The following MLLT3 variants were observed in gnomAD, a reference collection of about 807,000 sequenced individuals.
The protein encoded by MLLT3 is MLLT3 super elongation complex subunit, also known as protein AF-9.
In MLLT3, 4 loss-of-function variants were observed where a neutral mutation model predicts 53.2. The observed-to-expected ratio is 0.08, with a 90% CI of 0.04 to 0.17. The LOEUF (loss-of-function observed/expected upper bound fraction) is 0.17, where lower values mean the gene tolerates loss of function less well. Among genes scored for constraint, MLLT3 ranks in the 10% least tolerant of loss-of-function variants. The pLI, the probability that MLLT3 is intolerant of heterozygous loss-of-function variation, is 1.00. For missense variants in MLLT3, 569 were observed against 684.0 expected, an observed-to-expected ratio of 0.83 and a Z score of 1.87; for synonymous variants, 283 against 230.6, an observed-to-expected ratio of 1.23 and a Z score of -2.06.
chr9:20,395,706 T>C (rs557212201), intron 5 of MLLT3, among the ~76,000 whole-genome samples: 5 of 152,298 alleles, frequency 3.3e-5, no homozygotes, highest in African/African-American at 4.8e-5. Flanking sequence ...TCAGTAATAA[T>C]TAAAAGCTTT....
chr9:20,607,698 T>C (rs956423621), intron 2 of MLLT3, among the ~76,000 whole-genome samples: 18 of 152,204 alleles, frequency 1.2e-4, no homozygotes, highest in African/African-American at 3.8e-4. Context: ...ATTTGACATA[T>C]AGCTTTGCTA....
At chr9:20,506,833 G>A (rs1473288085) in intron 2 of MLLT3, among the ~76,000 whole-genome samples, 1 of 152,160 alleles carries the variant, frequency 6.6e-6, no homozygotes, top group Non-Finnish European at 1.5e-5. Context: ...AAAGAGAAGT[G>A]TATCTGGAAG....
At chr9:20,354,039 C>T (rs1035575888) in intron 9 of MLLT3, among the ~76,000 whole-genome samples, 1 of 151,984 alleles carries the variant, frequency 6.6e-6, no homozygotes, top group Non-Finnish European at 1.5e-5. Context: ...TGTACATTAC[C>T]AATTAAGTCA....
chr9:20,430,860 C>T lies in MLLT3; in HGVS notation c.421-16435G>A, dbSNP rs77929990. On this transcript the variant is annotated intron_variant, in intron 4 of 10. Transcript: ENST00000380338. ...AATAGAAACAACAATGAACTCCTAT[C>T]TCCAGGATATTAAAAGACCTCTAAT... is the stretch of plus-strand genomic sequence containing the variant. Among the ~76,000 whole-genome samples, 901 of 152,100 alleles carry T rather than the reference C, an allele frequency of 5.9e-3. 1 individual carries two copies. Among genetic ancestry groups the T allele is most frequent in the Non-Finnish European group, 0.01 (698 of 67,946 alleles).
chr9:20,525,437 A>G (rs1465835278), intron 2 of MLLT3, among the ~76,000 whole-genome samples: 5 of 152,210 alleles, frequency 3.3e-5, no homozygotes, highest in East Asian at 1.9e-4. Flanking sequence ...CGGAGGTTAC[A>G]GTGTGCTGAG....
intron 4 of MLLT3, among the ~76,000 whole-genome samples, chr9:20,430,332 A>C (rs1823234355): frequency 6.6e-6 from 1 of 152,154 alleles, no homozygotes; most frequent in Admixed American, 6.5e-5. Flanking sequence ...ATGAAGAAAA[A>C]AATGATCTAC....
intron 4 of MLLT3, among the ~76,000 whole-genome samples, chr9:20,429,060 C>T (rs528811519): frequency 1.3e-5 from 2 of 152,246 alleles, no homozygotes; most frequent in African/African-American, 4.8e-5. Flanking sequence ...TAAAGAAACT[C>T]TTCTAAAGAA....
At chr9:20,438,880 TG>T (rs1823473694) in intron 4 of MLLT3, among the ~76,000 whole-genome samples, 1 of 152,164 alleles carries the variant, frequency 6.6e-6, no homozygotes, top group African/African-American at 2.4e-5. Flanking sequence ...TTACTCTAAC[TG>T]TAGTTGATTG....
chr9:20,502,662 G>C (rs879045777), intron 2 of MLLT3, among the ~76,000 whole-genome samples: 1 of 152,174 alleles, frequency 6.6e-6, no homozygotes, highest in Admixed American at 6.5e-5. Context: ...GTATACAGGA[G>C]AATGTGCATA....
rs1454512948 is a variant in MLLT3, at chr9:20,621,597, G to A, written c.12+648C>T. Among the ~76,000 whole-genome samples the A allele has an allele frequency of 1.3e-5, 2 of 151,816 alleles. No homozygotes were observed. On this transcript the variant is annotated intron_variant, in intron 1 of 10. Transcript: ENST00000380338. This position sits in a 1 kb window ranked among gnomAD's most constrained non-coding sequence, Gnocchi z 7.0. ...TTTCAAGAGCCCAAGTGGCTCCAAA[G>A]TATCTCCCACCTCCCCCCAAAAAAT...
rs374955721 is a variant in MLLT3 at position 20,375,660 on chromosome 9, T to C, written c.1126-9916A>G. On this transcript the variant is annotated intron_variant, in intron 5 of 10. Coordinates refer to ENST00000380338, the MANE Select transcript of MLLT3 (RefSeq NM_004529.4). ...TCTTGCTCTGTCACCCAGGCTGGAG[T>C]GCAGTGGCGCGGTTCTCAGCTCACT... Among the ~76,000 whole-genome samples the C allele has an allele frequency of 6.1e-5, 9 of 147,364 alleles. No homozygotes were observed. The East Asian group carries it at 1.4e-3, about 23-fold the overall frequency.
At chr9:20,617,215 G>A (rs890440104) in intron 2 of MLLT3, among the ~76,000 whole-genome samples, 2 of 152,074 alleles carry the variant, frequency 1.3e-5, no homozygotes, top group South Asian at 2.1e-4. Context: ...TGCACACAAC[G>A]TCTTCAGCTA....
At chr9:20,417,663 T>C (rs1178651531) in intron 4 of MLLT3, among the ~76,000 whole-genome samples, 9 of 152,126 alleles carry the variant, frequency 5.9e-5, no homozygotes, top group Non-Finnish European at 2.9e-5. Flanking sequence ...TATACATATA[T>C]TTGCACTAAC....
At chr9:20,596,099 G>C (rs1408433812) in intron 2 of MLLT3, among the ~76,000 whole-genome samples, 1 of 152,202 alleles carries the variant, frequency 6.6e-6, no homozygotes, top group Non-Finnish European at 1.5e-5. Context: ...TTATGGGCAG[G>C]CTTAAGGGAA....
chr9:20,592,495 A>T (rs1025785940), intron 2 of MLLT3, among the ~76,000 whole-genome samples: 1 of 152,114 alleles, frequency 6.6e-6, no homozygotes, highest in Non-Finnish European at 1.5e-5. Flanking sequence ...TTCTCTTCTT[A>T]TAAGGACACA....
chr9:20,494,194 C>G (rs1825020253), intron 2 of MLLT3, among the ~76,000 whole-genome samples: 1 of 152,018 alleles, frequency 6.6e-6, no homozygotes, highest in South Asian at 2.1e-4. Flanking sequence ...TTCCATGATT[C>G]CTAGGAATTC....
chr9:20,411,914 A>G (rs1423358276), intron 5 of MLLT3: 1 of 152,176 alleles, frequency 6.6e-6, no homozygotes, highest in African/African-American at 2.4e-5. Context: ...ACATTCTAAA[A>G]AGGTGCCTTT....
At chr9:20,543,383 C>T (rs1199566113) in intron 2 of MLLT3, among the ~76,000 whole-genome samples, 2 of 152,222 alleles carry the variant, frequency 1.3e-5, no homozygotes, top group Admixed American at 6.5e-5. Context: ...CTGGAATACA[C>T]AGTTCAAGTC....
At chr9:20,414,853 A>G (rs1822833080) in intron 4 of MLLT3, among the ~76,000 whole-genome samples, 4 of 152,220 alleles carry the variant, frequency 2.6e-5, no homozygotes, top group Admixed American at 2.6e-4. Flanking sequence ...GAATAATTCA[A>G]AAATTCATAA....
Sources: allele counts gnomAD v4.1 joint callset (sites outside exome capture counted in the v4.1 genomes callset), GRCh38; gene constraint gnomAD v4.1.1; non-coding constraint Gnocchi (gnomAD v3.1); transcripts MANE v1.5; gene names NCBI Gene and HGNC (gene_info 2026-07-23, HGNC 2026-07-21).